The following SHANK2 variants were observed in gnomAD, a reference collection of about 807,000 sequenced individuals.
SHANK2 encodes SH3 and multiple ankyrin repeat domains protein 2.
Under a neutral mutation model 133.7 loss-of-function variants are expected in SHANK2, and 43 were observed. The observed-to-expected ratio is 0.32, with a 90% CI of 0.25 to 0.41. The LOEUF is 0.41. Ranked by LOEUF, SHANK2 falls within the 10% of genes least tolerant of loss-of-function variation. SHANK2 has a pLI of 1.00. For synonymous variants in SHANK2, 1,017 were observed against 952.8 expected, an observed-to-expected ratio of 1.07 and a Z score of -1.24; for missense variants, 1,994 against 2,235.8, an observed-to-expected ratio of 0.89 and a Z score of 2.18.
chr11:70,599,951 GAAAGAAAGAAAGAA>G lies in SHANK2; in HGVS notation c.2061+59863_2061+59876del, dbSNP rs1399681745. Among the ~76,000 whole-genome samples, 224 of 132,518 alleles carry G rather than the reference GAAAGAAAGAAAGAA, an allele frequency of 1.7e-3. 5 individuals are homozygous for G. The highest frequency in any genetic ancestry group is 7.0e-3 in the African/African-American group (210 of 30,186). 86.9% of individuals were successfully genotyped at this position (132,518 alleles called of 152,430 possible). The stretch of plus-strand genomic sequence containing the variant: ...AGAAAGAAAGAAAGAAAGAAAGAAA[GAAAGAAAGAAAGAA>G]AGAAAGAAAATGTATCATGTTCTTG... On this transcript the variant is annotated intron_variant, in intron 17 of 25. Coordinates refer to ENST00000601538, the MANE Select transcript of SHANK2 (RefSeq NM_012309.5).
intron 10 of SHANK2, chr11:70,933,306 C>T (rs1555082851): frequency 2.2e-6 from 1 of 454,768 alleles, no homozygotes; most frequent in Non-Finnish European, 4.4e-6. Context: ...AATGAGCTCC[C>T]TAAAGTTCTG....
chr11:70,913,966 G>A (rs182919320), intron 10 of SHANK2, among the ~76,000 whole-genome samples: 9 of 152,294 alleles, frequency 5.9e-5, no homozygotes, highest in South Asian at 2.1e-4. Context: ...GGGTGTTCTC[G>A]TTAGAGCAGT....
intron 15 of SHANK2, among the ~76,000 whole-genome samples, chr11:70,664,216 G>C (rs1944637298): frequency 6.6e-6 from 1 of 152,138 alleles, no homozygotes; most frequent in Non-Finnish European, 1.5e-5. Flanking sequence ...ACACAGACTT[G>C]TGTCCCTCAT....
At chr11:70,565,505 G>A (rs537523966) in intron 17 of SHANK2, among the ~76,000 whole-genome samples, 111 of 152,196 alleles carry the variant, frequency 7.3e-4, no homozygotes, top group African/African-American at 2.5e-3. Flanking sequence ...CTCGGCCTCC[G>A]AAAGCACTGG....
chr11:70,600,786 C>T (rs1182338173), intron 17 of SHANK2, among the ~76,000 whole-genome samples: 1 of 152,190 alleles, frequency 6.6e-6, no homozygotes, highest in Non-Finnish European at 1.5e-5. Context: ...CACACATACA[C>T]ACACAATCTG....
rs560689713 is a variant in SHANK2 at position 70,704,455 on chromosome 11, C to T, written c.1778-5692G>A. On this transcript the variant is annotated intron_variant, in intron 14 of 25. Coordinates refer to ENST00000601538, the MANE Select transcript of SHANK2 (RefSeq NM_012309.5). The stretch of plus-strand genomic sequence containing the variant: ...CCCTCAGGAGGCCAAGCAGCCCACC[C>T]GGCACACAGGGGTGCATATGTGGGT... 4.6e-5 allele frequency among the ~76,000 whole-genome samples: 7 copies of T among 152,200 alleles called. No individual in the cohort carries two copies. The East Asian group carries it at 5.8e-4, about 13-fold the overall frequency.
At chr11:70,721,037 G>A (rs998450572) in intron 14 of SHANK2, among the ~76,000 whole-genome samples, 15 of 152,294 alleles carry the variant, frequency 9.8e-5, no homozygotes, top group Non-Finnish European at 1.5e-4. Context: ...CCGGGCTTCC[G>A]TGTGCCAGGC....
At chr11:71,250,852 A>C (rs1414521678) in intron 1 of SHANK2, among the ~76,000 whole-genome samples, 1 of 152,150 alleles carries the variant, frequency 6.6e-6, no homozygotes, top group African/African-American at 2.4e-5. Context: ...GATAGAGATC[A>C]AATCGCCCTC....
At chr11:71,080,609 A>G (rs1273031076) in intron 8 of SHANK2, among the ~76,000 whole-genome samples, 1 of 152,020 alleles carries the variant, frequency 6.6e-6, no homozygotes, top group African/African-American at 2.4e-5. Context: ...ATTGTTCCCA[A>G]CCACACTTAG....
chr11:71,203,244 C>T (rs1555117408), intron 2 of SHANK2, among the ~76,000 whole-genome samples: 1 of 152,144 alleles, frequency 6.6e-6, no homozygotes, highest in Non-Finnish European at 1.5e-5. Flanking sequence ...TTTGCCAAGA[C>T]CTTAGTGGTC....
chr11:70,493,720 C>CCATT (rs2058930286), intron 21 of SHANK2, among the ~76,000 whole-genome samples: 1 of 152,106 alleles, frequency 6.6e-6, no homozygotes, highest in African/African-American at 2.4e-5. Context: ...TGGGTGTACC[C>CCATT]CATTCTGAGC....
chr11:71,065,211 C>T lies in SHANK2; in HGVS notation c.1030-8653G>A, dbSNP rs973608614. On this transcript the variant is annotated intron_variant, in intron 9 of 25. Coordinates refer to ENST00000601538, the MANE Select transcript of SHANK2 (RefSeq NM_012309.5). ...GGAAGCCACGTGTGCAGAACTCTCC[C>T]GGGGAGATAAGCAGTGAGTGGGGAA... Among the ~76,000 whole-genome samples, 36 of 152,208 alleles carry T rather than the reference C, an allele frequency of 2.4e-4. 1 individual carries two copies. The East Asian group carries it at 5.8e-3, about 25-fold the overall frequency.
chr11:70,681,251 C>T (rs190005774), intron 15 of SHANK2, among the ~76,000 whole-genome samples: 32 of 152,306 alleles, frequency 2.1e-4, no homozygotes, highest in East Asian at 9.6e-4. Flanking sequence ...CAAAGTCTGA[C>T]GGCGGAAACC....
chr11:71,176,250 C>T (rs544334072), intron 2 of SHANK2, among the ~76,000 whole-genome samples: 18 of 152,206 alleles, frequency 1.2e-4, no homozygotes, highest in South Asian at 2.1e-4. Flanking sequence ...AACTAAATCC[C>T]GCCCCCAAAA....
chr11:71,057,449 G>A (rs1418228381), intron 9 of SHANK2, among the ~76,000 whole-genome samples: 4 of 152,304 alleles, frequency 2.6e-5, no homozygotes, highest in South Asian at 2.1e-4. Flanking sequence ...CTATATTATA[G>A]AAAAGCAGGG....
chr11:70,853,006 GC>G (rs781936026), intron 11 of SHANK2, among the ~76,000 whole-genome samples: 9 of 151,846 alleles, frequency 5.9e-5, no homozygotes, highest in Non-Finnish European at 1.3e-4. Flanking sequence ...GTTCTGCAGA[GC>G]CCCACAACCC....
At chr11:71,065,727 T>G (rs1424254212) in intron 9 of SHANK2, among the ~76,000 whole-genome samples, 1,114 of 41,114 alleles carry the variant, frequency 0.027, no homozygotes, top group Admixed American at 0.032. Context: ...AAGTTGGGGG[T>G]GGTACAGAAC....
At position 70,811,384 on chromosome 11, in the gene SHANK2, T is replaced by A. The variant is rs916182637; in HGVS notation, c.1494-4213A>T. Among the ~76,000 whole-genome samples, 3 of 152,118 alleles carry A rather than the reference T, an allele frequency of 2.0e-5. No homozygotes were observed. In the East Asian group the frequency reaches 5.8e-4, roughly 29 times the overall value. On this transcript the variant is annotated intron_variant, in intron 12 of 25. Transcript: ENST00000601538. ...AGGAACCCCACGGCCCCACTGTGCA[T>A]CCTCAACAGCAGCCGGCAAGGGACA...
chr11:70,477,156 G>T, intron 25 of SHANK2: 1 of 152,046 alleles, frequency 6.6e-6, no homozygotes, highest in East Asian at 1.9e-4. Context: ...ACTTACTTCT[G>T]TTCAGCACGA....
Sources: allele counts gnomAD v4.1 joint callset (sites outside exome capture counted in the v4.1 genomes callset), GRCh38; gene constraint gnomAD v4.1.1; transcripts MANE v1.5; gene names NCBI Gene and HGNC (gene_info 2026-07-23, HGNC 2026-07-21).